The following PCDHGA5 variants were observed in gnomAD, a reference collection of about 807,000 sequenced individuals.
PCDHGA5 encodes the protein protocadherin gamma subfamily A, 5.
In PCDHGA5, 36 loss-of-function variants were observed where a neutral mutation model predicts 56.7. That is an observed-to-expected ratio of 0.64 (90% CI 0.49 to 0.84). The LOEUF is 0.84. PCDHGA5 is among the 40% of genes least tolerant of loss of function. The probability of loss-of-function intolerance (pLI) is 0.00; values close to 1 mark genes in which losing one functional copy is unlikely to be tolerated. For missense variants in PCDHGA5, 1,305 were observed against 1,201.5 expected (o/e 1.09, Z -1.27); for synonymous variants, 563 against 520.2 (o/e 1.08, Z -1.12).
rs1433790348 is a variant in PCDHGA5, at chr5:141,431,831, G to A, written c.2422-62976G>A. The A allele has an allele frequency of 1.2e-6, 2 of 1,614,110 alleles. No homozygotes were observed. The highest frequency in any genetic ancestry group is 1.7e-6 in the Non-Finnish European group (2 of 1,180,040). On this transcript the variant is annotated intron_variant, in intron 1 of 3. Transcript: ENST00000518069. The surrounding 1 kb of genome is among the most constrained non-coding windows in gnomAD (Gnocchi z 4.8). Reference sequence around the variant, plus strand: ...CACCTCTCTCGCCAGCTCGGTTCCCGAAAACTCTCCCAGAGGGACATTAAT... The same window carrying A: ...CACCTCTCTCGCCAGCTCGGTTCCCAAAAACTCTCCCAGAGGGACATTAAT...
At chr5:141,374,266 G>T in intron 1 of PCDHGA5, 1 of 1,614,016 alleles carries the variant, frequency 6.2e-7, no homozygotes, top group Non-Finnish European at 8.5e-7. Context: ...AGTTGGCGGA[G>T]CACGGAGTCC....
chr5:141,432,079 G>A lies in PCDHGA5; in HGVS notation c.2422-62728G>A, dbSNP rs138510025. On this transcript the variant is annotated intron_variant, in intron 1 of 3. Transcript: ENST00000518069. The surrounding 1 kb of genome is among the most constrained non-coding windows in gnomAD (Gnocchi z 6.0). ...TATCCACGGAAACTCATATCTCGCT[G>A]AACGTGGCAGACACCAACGACAACC... 1.6e-4 allele frequency: 252 copies of A among 1,614,054 alleles called. No homozygotes were observed. The highest frequency in any genetic ancestry group is 8.1e-5 in the Non-Finnish European group (96 of 1,180,048).
At chr5:141,427,492 T>C (rs894605769) in intron 1 of PCDHGA5, 1 of 555,624 alleles carries the variant, frequency 1.8e-6, no homozygotes, top group Non-Finnish European at 3.4e-6. Context: ...TATAAGCTTG[T>C]AACAGATGGG....
intron 3 of PCDHGA5, 96 bp downstream of exon 3, chr5:141,505,577 G>C: frequency 2.5e-6 from 4 of 1,589,854 alleles, no homozygotes; most frequent in Non-Finnish European, 3.4e-6. Flanking sequence ...TGTCAAACCT[G>C]TGTAGTTTCT....
chr5:141,475,852 G>A, intron 1 of PCDHGA5: 1 of 467,402 alleles, frequency 2.1e-6, no homozygotes, highest in East Asian at 3.7e-5. Context: ...AGAGCCCGGC[G>A]CTAGCTCATT....
chr5:141,399,968 G>T (rs1173181110), intron 1 of PCDHGA5: 2 of 1,612,128 alleles, frequency 1.2e-6, no homozygotes, highest in Non-Finnish European at 1.7e-6. Flanking sequence ...GGGCTCTTCA[G>T]CCTGGGGCTG....
chr5:141,440,503 G>A (rs979260104), intron 1 of PCDHGA5: 10 of 152,154 alleles, frequency 6.6e-5, no homozygotes, highest in Non-Finnish European at 1.0e-4. Flanking sequence ...ACATTAATAT[G>A]GAGATTCAGG....
chr5:141,380,433 A>C (rs1228885429), intron 1 of PCDHGA5, among the ~76,000 whole-genome samples: 1 of 152,256 alleles, frequency 6.6e-6, no homozygotes, highest in Non-Finnish European at 1.5e-5. Flanking sequence ...TAGACTTTAC[A>C]TAGAATTCTT....
At chr5:141,374,161 C>G in intron 1 of PCDHGA5, 1 of 1,612,316 alleles carries the variant, frequency 6.2e-7, no homozygotes, top group South Asian at 1.1e-5. Flanking sequence ...TGTGGGGGGC[C>G]GCGGCAGCGC....
intron 1 of PCDHGA5, among the ~76,000 whole-genome samples, chr5:141,448,001 G>A (rs143950707): frequency 0.046 from 7,030 of 151,928 alleles, 245 homozygotes; most frequent in African/African-American, 0.093. Context: ...CATGAGAATC[G>A]CTTGAACCCA....
intron 2 of PCDHGA5, among the ~76,000 whole-genome samples, chr5:141,505,177 A>G (rs917485235): frequency 6.6e-6 from 1 of 152,180 alleles, no homozygotes; most frequent in East Asian, 1.9e-4. Flanking sequence ...AAAAGAAAAA[A>G]GCATCGGAGG....
intron 1 of PCDHGA5, chr5:141,384,604 A>G (rs762562769): frequency 3.1e-6 from 5 of 1,613,896 alleles, no homozygotes; most frequent in South Asian, 2.2e-5. Context: ...GGCCCTCCCC[A>G]CAGATGGTTC....
intron 1 of PCDHGA5, among the ~76,000 whole-genome samples, chr5:141,407,707 G>C (rs894295431): frequency 1.3e-5 from 2 of 151,964 alleles, no homozygotes; most frequent in South Asian, 4.1e-4. Flanking sequence ...TTGAAGGTGG[G>C]GTGATGGCTA....
At chr5:141,386,536 G>C (rs919634660) in intron 1 of PCDHGA5, among the ~76,000 whole-genome samples, 6 of 151,656 alleles carry the variant, frequency 4.0e-5, no homozygotes, top group Admixed American at 6.6e-5. Flanking sequence ...TTTTAGACTA[G>C]TGTTGTATTT....
intron 1 of PCDHGA5, chr5:141,422,581 G>A (rs1223117895): frequency 3.7e-6 from 6 of 1,613,984 alleles, no homozygotes; most frequent in Non-Finnish European, 4.2e-6. Flanking sequence ...TAACCCTCCC[G>A]TTTTTCCTCA....
At chr5:141,401,214 C>T (rs894124786) in intron 1 of PCDHGA5, among the ~76,000 whole-genome samples, 4 of 151,920 alleles carry the variant, frequency 2.6e-5, no homozygotes, top group Non-Finnish European at 4.4e-5. Context: ...TGGTGGCGGG[C>T]GCCTGTAATC....
chr5:141,422,546 G>T, intron 1 of PCDHGA5: 2 of 1,613,972 alleles, frequency 1.2e-6, no homozygotes, highest in South Asian at 2.2e-5. Flanking sequence ...ACTCATGTCT[G>T]GCTGAATGTG....
intron 1 of PCDHGA5, chr5:141,418,640 A>G (rs1042874136): frequency 1.2e-6 from 2 of 1,614,042 alleles, no homozygotes; most frequent in Non-Finnish European, 1.7e-6. Flanking sequence ...AGGCACCTCC[A>G]TCCTGAGAGT....
In PCDHGA5 at chr5:141,478,182, A is replaced by T. The variant is rs777228133; in HGVS notation, c.2422-16625A>T. The T allele has an allele frequency of 5.0e-6, 8 of 1,613,866 alleles. No individual in the cohort carries two copies. In the South Asian group the frequency reaches 8.8e-5, roughly 18 times the overall value. ...TCTGCCCCCCGGGAGCAGAAAAAAA[A>T]TCTCACCTTTTATCTACTTCTTTCT... is the stretch of plus-strand genomic sequence containing the variant. On this transcript the variant is annotated intron_variant, in intron 1 of 3. Transcript: ENST00000518069.
Sources: gnomAD v4.1 joint callset for allele counts (sites outside exome capture counted in the v4.1 genomes callset) on GRCh38, gnomAD v4.1.1 for gene constraint, Gnocchi (gnomAD v3.1) non-coding constraint, MANE v1.5 for transcripts, NCBI Gene and HGNC (gene_info 2026-07-23, HGNC 2026-07-21) for gene names.